MTSS1: variants seen among roughly 807,000 people sequenced by gnomAD.
MTSS1 encodes MTSS I-BAR domain containing 1.
A neutral mutation model predicts 79.0 loss-of-function variants in MTSS1; 18 were observed. That is an observed-to-expected ratio of 0.23 (90% confidence interval 0.16 to 0.34). The LOEUF (loss-of-function observed/expected upper bound fraction) is 0.34, where lower values mean the gene tolerates loss of function less well. Among genes scored for constraint, MTSS1 ranks in the 10% least tolerant of loss-of-function variants. The pLI, the probability that MTSS1 is intolerant of heterozygous loss-of-function variation, is 1.00. For synonymous variants in MTSS1, 341 were observed against 368.6 expected (o/e 0.93, Z 0.86); for missense variants, 815 against 986.2 (o/e 0.83, Z 2.33).
At chr8:124,692,534 C>G (rs1248025319) in intron 3 of MTSS1, among the ~76,000 whole-genome samples, 1 of 152,170 alleles carries the variant, frequency 6.6e-6, no homozygotes, top group Non-Finnish European at 1.5e-5. Flanking sequence ...CAAGAGCAGT[C>G]TGGCTGGAGC....
chr8:124,573,861 G>A (rs1563778242), intron 6 of MTSS1, among the ~76,000 whole-genome samples: 2 of 152,146 alleles, frequency 1.3e-5, no homozygotes, highest in Non-Finnish European at 2.9e-5. Context: ...GAATTCTGAT[G>A]AACAGCAGCC....
At chr8:124,675,410 A>C (rs1825098469) in intron 3 of MTSS1, among the ~76,000 whole-genome samples, 1 of 152,216 alleles carries the variant, frequency 6.6e-6, no homozygotes, top group African/African-American at 2.4e-5. Flanking sequence ...GGGACCAAGT[A>C]CATCCAGGCT....
intron 3 of MTSS1, among the ~76,000 whole-genome samples, chr8:124,669,720 T>G (rs1823765849): frequency 6.6e-6 from 1 of 152,214 alleles, no homozygotes; most frequent in African/African-American, 2.4e-5. Context: ...ATAGATCATG[T>G]GCTAAAATCT....
chr8:124,570,946 T>G (rs1827645551), intron 6 of MTSS1, among the ~76,000 whole-genome samples: 1 of 152,140 alleles, frequency 6.6e-6, no homozygotes, highest in African/African-American at 2.4e-5. Flanking sequence ...GTGCTGGGAT[T>G]ACAGACATGA....
At chr8:124,672,878 TACACACACACATGCAC>T (rs778516033) in intron 3 of MTSS1, among the ~76,000 whole-genome samples, 3 of 150,430 alleles carry the variant, frequency 2.0e-5, no homozygotes, top group Admixed American at 2.0e-4. Context: ...CACACATGCA[TACACACACACATGCAC>T]ACACACACAT....
At chr8:124,640,460 T>A (rs943811755) in intron 3 of MTSS1, among the ~76,000 whole-genome samples, 34 of 152,160 alleles carry the variant, frequency 2.2e-4, no homozygotes, top group African/African-American at 8.0e-4. Context: ...CCACACCCCA[T>A]CCACACACCC....
At chr8:124,616,773 C>T (rs1325815844) in intron 3 of MTSS1, among the ~76,000 whole-genome samples, 4 of 152,192 alleles carry the variant, frequency 2.6e-5, no homozygotes, top group East Asian at 3.8e-4. Context: ...CCTTGAGCAA[C>T]GAGGCACTCA....
chr8:124,664,301 G>A lies in MTSS1; in HGVS notation c.208+35225C>T, dbSNP rs557758397. On this transcript the variant is annotated intron_variant, in intron 3 of 13. Coordinates refer to ENST00000518547, the MANE Select transcript of MTSS1 (RefSeq NM_014751.6). Reference sequence around the variant, plus strand: ...AATTAAAGTCTCCTGAGACACAGGCGTGGCTATCTCCTTCCAGCGAGGCCC... The same window carrying A: ...AATTAAAGTCTCCTGAGACACAGGCATGGCTATCTCCTTCCAGCGAGGCCC... Among the ~76,000 whole-genome samples, 14 of 152,264 alleles carry A rather than the reference G, an allele frequency of 9.2e-5. No homozygotes were observed. In the South Asian group the frequency reaches 1.7e-3, roughly 18 times the overall value.
intron 3 of MTSS1, among the ~76,000 whole-genome samples, chr8:124,669,492 C>T (rs1022273937): frequency 6.6e-6 from 1 of 152,162 alleles, no homozygotes; most frequent in African/African-American, 2.4e-5. Context: ...TAGATGAAGG[C>T]CAGATTTCTT....
chr8:124,671,366 G>C (rs567803271), intron 3 of MTSS1, among the ~76,000 whole-genome samples: 1 of 152,062 alleles, frequency 6.6e-6, no homozygotes. Flanking sequence ...ACCATACCTC[G>C]AATGATGGGG....
At chr8:124,658,010 T>A (rs928056028) in intron 3 of MTSS1, among the ~76,000 whole-genome samples, 5 of 152,192 alleles carry the variant, frequency 3.3e-5, no homozygotes, top group Non-Finnish European at 5.9e-5. Context: ...ATGAGAATGA[T>A]GATCTCTCCC....
At position 124,589,780 on chromosome 8, in the gene MTSS1, G is replaced by C. The variant is rs965757576; in HGVS notation, c.294-69C>G. On this transcript the variant is annotated intron_variant, in intron 4 of 13. Transcript: ENST00000518547. ...CATTCTGTTGTCAGGATTTAAATGT[G>C]GTTGTCAAAACATACCTAAATCACA... 3 of 1,165,760 alleles carry C rather than the reference G, an allele frequency of 2.6e-6. No individual in the cohort carries two copies. The African/African-American group carries it at 4.6e-5, about 18-fold the overall frequency. The allele number at this position is 1,165,760 out of a possible 1,614,324, so 72.2% of individuals were successfully genotyped here.
chr8:124,581,992 T>C (rs1214819706), intron 6 of MTSS1, among the ~76,000 whole-genome samples: 1 of 151,798 alleles, frequency 6.6e-6, no homozygotes, highest in Non-Finnish European at 1.5e-5. Flanking sequence ...GAGCCTGGGG[T>C]TACTGGGTCC....
intron 3 of MTSS1, among the ~76,000 whole-genome samples, chr8:124,612,574 ATGTGTGTG>A (rs58367314): frequency 0.076 from 7,593 of 99,528 alleles, 269 homozygotes; most frequent in African/African-American, 0.077. Flanking sequence ...CAAGTTTAAA[ATGTGTGTG>A]TGTGTGTGTG....
chr8:124,629,317 A>C (rs1176188223), intron 3 of MTSS1, among the ~76,000 whole-genome samples: 1 of 151,780 alleles, frequency 6.6e-6, no homozygotes, highest in Non-Finnish European at 1.5e-5. Flanking sequence ...GATGGAGACC[A>C]TGCTGGCTAA....
intron 6 of MTSS1, 125 bp from the exon 7 acceptor site, chr8:124,568,661 A>G: frequency 6.7e-7 from 1 of 1,498,138 alleles, no homozygotes. Flanking sequence ...AAAAGTATTT[A>G]TTCATGCCCC....
rs750248898 is a variant in MTSS1, at chr8:124,568,416, C to T, written c.581G>A (p.Arg194Gln). 6 of 1,614,164 alleles carry T rather than the reference C, an allele frequency of 3.7e-6. No individual in the cohort carries two copies. The highest frequency in any genetic ancestry group is 4.2e-6 in the Non-Finnish European group (5 of 1,180,014). The change falls in exon 7 of 14, where the codon CGA becomes CAA. Residue 194 changes from arginine to glutamine, a missense_variant. Arg to Gln is a conservative substitution (Grantham distance 43). This residue lies in a region of MTSS1 where 225 missense variants were observed against 365.4 expected (regional missense o/e 0.62). Transcript: ENST00000518547. ...CAGCATAGAGATGAAGGTACAGAAT[C>T]GGCCACGTTCTTCAATCAAAGCCTT... ...VRKALIEERG[R>Q]FCTFISMLRP...
intron 3 of MTSS1, among the ~76,000 whole-genome samples, chr8:124,679,007 G>T (rs1825737252): frequency 6.6e-6 from 1 of 152,168 alleles, no homozygotes; most frequent in African/African-American, 2.4e-5. Context: ...ATGAATTCAG[G>T]AGATCCTTGG....
chr8:124,712,391 G>A (rs550578674), intron 1 of MTSS1, among the ~76,000 whole-genome samples: 1 of 152,310 alleles, frequency 6.6e-6, no homozygotes, highest in African/African-American at 2.4e-5. Context: ...GCAGCTTCCA[G>A]AGGAGGCTGG....
Sources: gnomAD v4.1 joint callset for allele counts (sites outside exome capture counted in the v4.1 genomes callset) on GRCh38, gnomAD v4.1.1 for gene constraint, gnomAD v4.1.1 regional missense constraint, MANE v1.5 for transcripts, NCBI Gene and HGNC (gene_info 2026-07-23, HGNC 2026-07-21) for gene names.